KIF5B: variants seen among roughly 807,000 people sequenced by gnomAD.
The protein encoded by KIF5B is kinesin-1 heavy chain.
Under a neutral mutation model 132.8 loss-of-function variants are expected in KIF5B, and 49 were observed. That is an observed-to-expected ratio of 0.37 (90% CI 0.29 to 0.47). The LOEUF is 0.47. KIF5B is among the 20% of genes least tolerant of loss of function. The pLI is 1.00. For missense variants in KIF5B, 780 were observed against 1,144.0 expected, an observed-to-expected ratio of 0.68 and a Z score of 4.59; for synonymous variants, 355 against 369.4, an observed-to-expected ratio of 0.96 and a Z score of 0.45.
Position 32,021,057 on chromosome 10 carries a change from T to C in KIF5B, c.2169A>G (p.Val723=). ...QKQISSLRDE[V]EAKAKLITDL... ...CAGTAATAAGTTTTGCTTTTGCTTC[T>C]ACTTCATCTCTCAAACTACTGATCT... The change falls in exon 19 of 26, where the codon GTA becomes GTG. Residue 723 remains valine (V), a synonymous_variant. Transcript: ENST00000302418. 6.2e-7 allele frequency: 1 copy of C among 1,612,820 alleles called. No homozygotes were observed. The highest frequency in any genetic ancestry group is 8.5e-7 in the Non-Finnish European group (1 of 1,178,972).
chr10:32,051,888 G>A (rs1294379230), intron 1 of KIF5B, among the ~76,000 whole-genome samples: 3 of 152,140 alleles, frequency 2.0e-5, no homozygotes, highest in Non-Finnish European at 4.4e-5. Context: ...CTGGACATCT[G>A]TATTTTTCAA....
Position 32,038,003 on chromosome 10 carries a change from A to G in KIF5B, c.498+160T>C, listed in dbSNP as rs566838843. Among the ~76,000 whole-genome samples the G allele has an allele frequency of 6.0e-5, 9 of 150,050 alleles. No individual in the cohort carries two copies. The East Asian group carries it at 1.6e-3, about 27-fold the overall frequency. On this transcript the variant is annotated intron_variant, in intron 6 of 25. Transcript: ENST00000302418. ...CGCATGCCTGTAATCCCAGCTACTC[A>G]AGAGGCTGAGGCAGGAGAACTGCTT... is the stretch of plus-strand genomic sequence containing the variant.
At chr10:32,039,684 T>C (rs1345673326) in intron 3 of KIF5B, among the ~76,000 whole-genome samples, 1 of 152,190 alleles carries the variant, frequency 6.6e-6, no homozygotes, top group Non-Finnish European at 1.5e-5. Context: ...TTGTAAAATG[T>C]TCATTGTAAA....
chr10:32,017,143 C>CAT lies in KIF5B; in HGVS notation c.2760_2761insAT (p.Ala921MetfsTer56). The CAT allele has an allele frequency of 6.2e-7, 1 of 1,611,932 alleles. No individual in the cohort carries two copies. Among genetic ancestry groups the CAT allele is most frequent in the South Asian group, 1.1e-5 (1 of 91,042 alleles). On this transcript the variant is annotated frameshift_variant and splice_region_variant, in exon 24 of 26. Coordinates refer to ENST00000302418, the MANE Select transcript of KIF5B (RefSeq NM_004521.3). LOFTEE classifies it high-confidence loss of function. Reference sequence around the variant, plus strand: ...AAAGGTTTTAATGTGTTCTACTAACCAATCTGTGCAGAATGCCCTCTTCTG... The same window carrying CAT: ...AAAGGTTTTAATGTGTTCTACTAACCATAATCTGTGCAGAATGCCCTCTTCTG...
intron 2 of KIF5B, among the ~76,000 whole-genome samples, chr10:32,046,123 G>T (rs866609014): frequency 7.9e-5 from 12 of 152,032 alleles, no homozygotes; most frequent in African/African-American, 2.9e-4. Flanking sequence ...GCACTTTAAA[G>T]GTTTGCTCTC....
intron 1 of KIF5B, among the ~76,000 whole-genome samples, chr10:32,053,002 C>CT (rs1164609649): frequency 6.6e-6 from 1 of 152,224 alleles, no homozygotes; most frequent in African/African-American, 2.4e-5. Context: ...TCCATGAGCA[C>CT]TGATTATGCT....
At chr10:32,030,857 T>A (rs1222661318) in intron 14 of KIF5B, among the ~76,000 whole-genome samples, 1 of 152,180 alleles carries the variant, frequency 6.6e-6, no homozygotes, top group Non-Finnish European at 1.5e-5. Context: ...AAACAGCATT[T>A]AAATTAGATA....
At chr10:32,053,182 A>T (rs1841714697) in intron 1 of KIF5B, among the ~76,000 whole-genome samples, 1 of 152,156 alleles carries the variant, frequency 6.6e-6, no homozygotes, top group Non-Finnish European at 1.5e-5. Flanking sequence ...AAAATGAAAA[A>T]ACCAAACCGA....
chr10:32,035,614 T>C lies in KIF5B; in HGVS notation c.870A>G (p.Leu290=), dbSNP rs371698080. 6.8e-6 allele frequency: 11 copies of C among 1,612,830 alleles called. No individual in the cohort carries two copies. Among genetic ancestry groups the C allele is most frequent in the Admixed American group, 6.7e-5 (4 of 59,988 alleles). ...CAATAGTGGTTCTACAGTTGCCACCTAATGAATCTTGAAGGATTCTTGTCA... is the reference window on the plus strand; with the variant it reads ...CAATAGTGGTTCTACAGTTGCCACCCAATGAATCTTGAAGGATTCTTGTCA... ...SKMTRILQDS[L]GGNCRTTIVI... Residue 290 remains leucine (L), a synonymous_variant, in exon 10 of 26, where the codon TTA becomes TTG. Transcript: ENST00000302418.
chr10:32,035,094 C>T (rs1841447066), intron 10 of KIF5B, among the ~76,000 whole-genome samples: 1 of 151,310 alleles, frequency 6.6e-6, no homozygotes, highest in Non-Finnish European at 1.5e-5. Flanking sequence ...TATATTTTTC[C>T]AATTTGTTTG....
intron 13 of KIF5B, 114 bp downstream of exon 13, chr10:32,032,592 C>A: frequency 1.3e-6 from 1 of 780,994 alleles, no homozygotes; most frequent in Non-Finnish European, 2.3e-6. Context: ...ATTCTTATTC[C>A]CACAAAGACA....
intron 14 of KIF5B, among the ~76,000 whole-genome samples, chr10:32,029,008 C>T (rs2132595099): frequency 6.6e-6 from 1 of 152,300 alleles, no homozygotes; most frequent in South Asian, 2.1e-4. Flanking sequence ...TATATACTTA[C>T]TCACTGGAAA....
At chr10:32,041,541 C>T (rs2132608928) in intron 2 of KIF5B, among the ~76,000 whole-genome samples, 2 of 152,298 alleles carry the variant, frequency 1.3e-5, no homozygotes, top group South Asian at 4.1e-4. Context: ...AGTAGCTAAT[C>T]CTCACAAACC....
At chr10:32,035,324 C>G (rs1253341400) in intron 10 of KIF5B, among the ~76,000 whole-genome samples, 198 bp downstream of exon 10, 3 of 152,160 alleles carry the variant, frequency 2.0e-5, no homozygotes, top group Non-Finnish European at 4.4e-5. Context: ...AAAATTACAT[C>G]TGACTTTAAT....
At chr10:32,055,692 C>T (rs947036141) in intron 1 of KIF5B, among the ~76,000 whole-genome samples, 156 bp downstream of exon 1, 9 of 152,212 alleles carry the variant, frequency 5.9e-5, no homozygotes, top group African/African-American at 2.2e-4. Context: ...GCTGCGCAGT[C>T]TCCCTCCACT....
chr10:32,009,818 C>G lies in KIF5B; in HGVS notation c.*1719G>C, dbSNP rs1420105942. 1.3e-5 allele frequency: 2 copies of G among 152,158 alleles called. No individual in the cohort carries two copies. The highest frequency in any genetic ancestry group is 4.1e-4 in the South Asian group (2 of 4,826). The allele number at this position is 152,158 out of a possible 1,614,324, so 9.4% of individuals were successfully genotyped here. On this transcript the variant is annotated 3_prime_UTR_variant, in exon 26 of 26. Transcript: ENST00000302418. ...CTTTTTTTGCTTGTTAACTATATTA[C>G]TTATAACTGGCTGCACCAACATTTC... is the stretch of plus-strand genomic sequence containing the variant.
chr10:32,014,421 G>T (rs1024852101), intron 25 of KIF5B, among the ~76,000 whole-genome samples: 5 of 151,802 alleles, frequency 3.3e-5, no homozygotes, highest in South Asian at 2.1e-4. Flanking sequence ...TGGGGTTTGT[G>T]GGGGCAGGGG....
At position 32,015,642 on chromosome 10, in the gene KIF5B, C is replaced by G; in HGVS notation, c.2779G>C (p.Gly927Arg). Residue 927 changes from glycine to arginine, a missense_variant, in exon 25 of 26, where the codon GGG becomes CGG. Coordinates refer to ENST00000302418, the MANE Select transcript of KIF5B (RefSeq NM_004521.3). ...SAQIAKPIRP[G>R]QHPAASPTHP... The stretch of plus-strand genomic sequence containing the variant: ...GTTGGAGAAGCTGCTGGATGTTGCC[C>G]GGGACGAATAGGTTTAGCTAATATG... 6.2e-7 allele frequency: 1 copy of G among 1,612,564 alleles called. No individual in the cohort carries two copies. Among genetic ancestry groups the G allele is most frequent in the East Asian group, 2.2e-5 (1 of 44,836 alleles).
At chr10:32,025,695 C>T (rs1841325793) in intron 15 of KIF5B, among the ~76,000 whole-genome samples, 1 of 152,172 alleles carries the variant, frequency 6.6e-6, no homozygotes, top group Non-Finnish European at 1.5e-5. Context: ...ATGTTTATAG[C>T]AGCTTTGTTC....
Sources: allele counts gnomAD v4.1 joint callset (sites outside exome capture counted in the v4.1 genomes callset), GRCh38; gene constraint gnomAD v4.1.1; transcripts MANE v1.5; gene names NCBI Gene and HGNC (gene_info 2026-07-23, HGNC 2026-07-21).